PCDHA10: variants seen among roughly 807,000 people sequenced by gnomAD.
PCDHA10 encodes the protein protocadherin alpha 10.
Under a neutral mutation model 61.2 loss-of-function variants are expected in PCDHA10, and 45 were observed. That is an observed-to-expected ratio of 0.74 (90% confidence interval 0.58 to 0.94). The LOEUF (loss-of-function observed/expected upper bound fraction) is 0.94, where lower values mean the gene tolerates loss of function less well. PCDHA10 is among the 40% of genes least tolerant of loss of function. The pLI is 0.00. For synonymous variants in PCDHA10, 602 were observed against 548.8 expected (o/e 1.10, Z -1.35); for missense variants, 1,278 against 1,236.2 (o/e 1.03, Z -0.51).
At chr5:140,938,424 T>C (rs960926721) in intron 1 of PCDHA10, among the ~76,000 whole-genome samples, 1 of 152,204 alleles carries the variant, frequency 6.6e-6, no homozygotes, top group African/African-American at 2.4e-5. Flanking sequence ...TTTGCAAAAA[T>C]CCTTTATCAG....
At chr5:140,863,299 G>A (rs868935823) in intron 1 of PCDHA10, 1 of 1,462,780 alleles carries the variant, frequency 6.8e-7, no homozygotes, top group Admixed American at 1.8e-5. Context: ...CCTGATCATC[G>A]CCATCTGCGT....
chr5:140,928,334 C>CT, intron 1 of PCDHA10: 1 of 1,614,158 alleles, frequency 6.2e-7, no homozygotes, highest in Non-Finnish European at 8.5e-7. Flanking sequence ...GGCCTTGTCT[C>CT]TTATGAGCTG....
chr5:140,886,102 G>A (rs1040004596), intron 1 of PCDHA10, among the ~76,000 whole-genome samples: 17 of 152,136 alleles, frequency 1.1e-4, no homozygotes, highest in Admixed American at 1.3e-4. Flanking sequence ...CATTGATACA[G>A]TAAAGAAGTA....
At chr5:140,895,072 A>G (rs974661383) in intron 1 of PCDHA10, among the ~76,000 whole-genome samples, 1 of 152,090 alleles carries the variant, frequency 6.6e-6, no homozygotes, top group Admixed American at 6.5e-5. Flanking sequence ...CTCAATTCCT[A>G]TCAGTTCCTC....
intron 1 of PCDHA10, among the ~76,000 whole-genome samples, chr5:140,909,493 G>T (rs989826667): frequency 6.6e-6 from 1 of 152,184 alleles, no homozygotes; most frequent in African/African-American, 2.4e-5. Context: ...AGAGCTGAAC[G>T]GGGATGTGGT....
intron 1 of PCDHA10, among the ~76,000 whole-genome samples, chr5:140,943,783 C>A (rs1388163068): frequency 1.3e-5 from 2 of 152,102 alleles, no homozygotes; most frequent in Non-Finnish European, 2.9e-5. Context: ...AGGAAGTGGT[C>A]CTTTATGCAA....
At chr5:140,985,531 C>T (rs542453995) in intron 3 of PCDHA10, among the ~76,000 whole-genome samples, 102 of 152,254 alleles carry the variant, frequency 6.7e-4, no homozygotes, top group African/African-American at 1.9e-3. Context: ...TAAAGCTTCA[C>T]GGTGAAGATG....
chr5:140,863,195 C>T (rs782227810), intron 1 of PCDHA10: 17 of 864,950 alleles, frequency 2.0e-5, no homozygotes, highest in Admixed American at 3.7e-5. Context: ...GTGGTGGCGT[C>T]GCTGGCGGAG....
chr5:140,947,920 A>G (rs1336638527), intron 1 of PCDHA10, among the ~76,000 whole-genome samples: 1 of 151,504 alleles, frequency 6.6e-6, no homozygotes, highest in African/African-American at 2.4e-5. Context: ...TCTTGCCTTA[A>G]CCCTGATCTT....
intron 1 of PCDHA10, among the ~76,000 whole-genome samples, chr5:140,941,206 T>TCTTCCTTC (rs201128549): frequency 1.0e-4 from 10 of 95,674 alleles, no homozygotes; most frequent in African/African-American, 3.6e-4. Flanking sequence ...TTTCTTCCTT[T>TCTTCCTTC]CTTTCTTCCT....
intron 1 of PCDHA10, among the ~76,000 whole-genome samples, chr5:140,920,661 T>C (rs1301918138): frequency 3.9e-5 from 6 of 152,042 alleles, no homozygotes; most frequent in African/African-American, 1.4e-4. Flanking sequence ...CTTGCCAACA[T>C]GGTGAAACCC....
intron 3 of PCDHA10, among the ~76,000 whole-genome samples, chr5:141,004,011 CT>C (rs1220756747): frequency 2.6e-4 from 40 of 152,200 alleles, no homozygotes; most frequent in African/African-American, 9.4e-4. Context: ...GGAGGCAGCA[CT>C]GAAAGAAGAA....
chr5:140,905,152 G>T (rs2071629879), intron 1 of PCDHA10, among the ~76,000 whole-genome samples: 1 of 152,154 alleles, frequency 6.6e-6, no homozygotes. Context: ...TTATATTTTA[G>T]AATTTTCATG....
At chr5:140,967,390 G>A (rs2096135950) in intron 1 of PCDHA10, 2 of 1,609,752 alleles carry the variant, frequency 1.2e-6, no homozygotes, top group African/African-American at 1.3e-5. Context: ...AAGTGCTTGA[G>A]CTGGTGCTGC....
At position 141,010,458 on chromosome 5, in the gene PCDHA10, T is replaced by C. The variant is rs2098417373; in HGVS notation, c.*521T>C. The C allele has an allele frequency of 1.1e-6, 1 of 871,194 alleles. No individual in the cohort carries two copies. The highest frequency in any genetic ancestry group is 1.7e-6 in the Non-Finnish European group (1 of 592,130). 54.0% of individuals were successfully genotyped at this position (871,194 alleles called of 1,614,324 possible). On this transcript the variant is annotated 3_prime_UTR_variant, in exon 4 of 4. Coordinates refer to ENST00000307360, the MANE Select transcript of PCDHA10 (RefSeq NM_018901.4). ...AAAGACAAATAAACAGCGGAAGTTA[T>C]CAGTATGGAGGGGAAGTGTAAACTT...
At chr5:140,944,134 A>G (rs890508296) in intron 1 of PCDHA10, among the ~76,000 whole-genome samples, 1 of 152,122 alleles carries the variant, frequency 6.6e-6, no homozygotes, top group East Asian at 1.9e-4. Context: ...GAAAAGGTTG[A>G]AGATTAGAAG....
At chr5:140,887,906 T>C (rs2061622663) in intron 1 of PCDHA10, among the ~76,000 whole-genome samples, 1 of 152,198 alleles carries the variant, frequency 6.6e-6, no homozygotes, top group Admixed American at 6.5e-5. Context: ...TCCTAAACAG[T>C]GTATTCTTCA....
At chr5:140,978,914 C>T (rs2096828574) in intron 1 of PCDHA10, 35 bp from the exon 2 acceptor site, 5 of 1,613,852 alleles carry the variant, frequency 3.1e-6, no homozygotes, top group Non-Finnish European at 3.4e-6. Flanking sequence ...ATTGTCTTGT[C>T]ATTTTAACAG....
rs782157769 is a variant in PCDHA10, at chr5:140,877,409, G to T, written c.2388+18973G>T. On this transcript the variant is annotated intron_variant, in intron 1 of 3. Coordinates refer to ENST00000307360, the MANE Select transcript of PCDHA10 (RefSeq NM_018901.4). ...GATGAGGCGGACGCTCCGCGCCACC[G>T]CCTGCTGGTGCTGGTGAAGGACCAC... 11 of 1,613,802 alleles carry T rather than the reference G, an allele frequency of 6.8e-6. No homozygotes were observed. The African/African-American group carries it at 1.3e-4, about 20-fold the overall frequency.
Sources: allele counts gnomAD v4.1 joint callset (sites outside exome capture counted in the v4.1 genomes callset), GRCh38; gene constraint gnomAD v4.1.1; transcripts MANE v1.5; gene names NCBI Gene and HGNC (gene_info 2026-07-23, HGNC 2026-07-21).